The following NEK1 variants were observed in gnomAD, a reference collection of about 807,000 sequenced individuals.
NEK1 encodes the protein NIMA related kinase 1, also known as serine/threonine-protein kinase Nek1.
Under a neutral mutation model 182.1 loss-of-function variants are expected in NEK1, and 137 were observed. The ratio of observed to expected loss-of-function variants is 0.75; its 90% CI spans 0.65 to 0.87. The LOEUF is 0.87. Among genes scored for constraint, NEK1 ranks in the 40% least tolerant of loss-of-function variants. NEK1 has a pLI of 0.00. For synonymous variants in NEK1, 513 were observed against 492.2 expected (o/e 1.04, Z -0.56); for missense variants, 1,391 against 1,494.4 (o/e 0.93, Z 1.14).
intron 23 of NEK1, among the ~76,000 whole-genome samples, chr4:169,494,297 G>A (rs1412932185): frequency 6.6e-6 from 1 of 151,896 alleles, no homozygotes; most frequent in Non-Finnish European, 1.5e-5. Flanking sequence ...CCCTTCCTGT[G>A]TCCATGTGTT....
At chr4:169,419,031 A>G (rs1735011754) in intron 31 of NEK1, among the ~76,000 whole-genome samples, 1 of 152,104 alleles carries the variant, frequency 6.6e-6, no homozygotes, top group Admixed American at 6.6e-5. Context: ...TGAATTACTC[A>G]TGTTTGTGGT....
At chr4:169,586,232 A>G (rs1048907217) in intron 9 of NEK1, among the ~76,000 whole-genome samples, 1 of 152,092 alleles carries the variant, frequency 6.6e-6, no homozygotes, top group Non-Finnish European at 1.5e-5. Flanking sequence ...AAAATATTAC[A>G]GAACAATTGT....
chr4:169,438,763 C>T (rs956258648), intron 27 of NEK1, among the ~76,000 whole-genome samples: 4 of 152,182 alleles, frequency 2.6e-5, no homozygotes, highest in South Asian at 2.1e-4. Context: ...TACAAGCTCC[C>T]CAACACTAAC....
At chr4:169,435,600 A>G (rs1419942439) in intron 28 of NEK1, among the ~76,000 whole-genome samples, 1 of 152,186 alleles carries the variant, frequency 6.6e-6, no homozygotes, top group Non-Finnish European at 1.5e-5. Context: ...AGTGAAAGTG[A>G]TGCTATGCCA....
rs190371732 is a variant in NEK1, at chr4:169,431,350, G to A, written c.2885+2195C>T. On this transcript the variant is annotated intron_variant, in intron 29 of 35. Transcript: ENST00000507142. ...ATAAAAATCACTTGAAATATAAAAT[G>A]AAATAAATGGAAACACATTAGTAGG... 1.3e-3 allele frequency among the ~76,000 whole-genome samples: 199 copies of A among 152,100 alleles called. 2 individuals carry two copies. Among genetic ancestry groups the A allele is most frequent in the Non-Finnish European group, 3.5e-4 (24 of 67,978 alleles).
At chr4:169,458,827 C>CAAAAAA (rs201340623) in intron 27 of NEK1, among the ~76,000 whole-genome samples, 2 of 90,382 alleles carry the variant, frequency 2.2e-5, no homozygotes, top group African/African-American at 6.9e-5. Context: ...GACCCCATCT[C>CAAAAAA]AAAAAAAAAA....
intron 23 of NEK1, among the ~76,000 whole-genome samples, chr4:169,504,234 G>A (rs1213630815): frequency 2.6e-5 from 4 of 152,238 alleles, no homozygotes; most frequent in South Asian, 2.1e-4. Flanking sequence ...AAATGCTGGC[G>A]AGGATGTGGA....
intron 11 of NEK1, among the ~76,000 whole-genome samples, chr4:169,578,250 G>C (rs1398017992): frequency 1.3e-5 from 2 of 152,092 alleles, no homozygotes; most frequent in Non-Finnish European, 2.9e-5. Context: ...AAAGAAGTCA[G>C]AGTAGAGTCT....
At chr4:169,432,146 G>A (rs911743562) in intron 29 of NEK1, among the ~76,000 whole-genome samples, 1 of 152,000 alleles carries the variant, frequency 6.6e-6, no homozygotes, top group African/African-American at 2.4e-5. Context: ...GAAAAGATGT[G>A]CTTACCTTTA....
chr4:169,492,218 C>T (rs908215160), intron 23 of NEK1, among the ~76,000 whole-genome samples: 8 of 152,200 alleles, frequency 5.3e-5, no homozygotes, highest in African/African-American at 1.4e-4. Flanking sequence ...AAGATTCAGA[C>T]GCTGCTTCAA....
chr4:169,579,587 G>C (rs970194979), intron 11 of NEK1, among the ~76,000 whole-genome samples: 3 of 152,110 alleles, frequency 2.0e-5, no homozygotes, highest in African/African-American at 7.2e-5. Flanking sequence ...TCAGGAGATT[G>C]AGACCATCCT....
At chr4:169,494,345 A>G (rs893347053) in intron 23 of NEK1, among the ~76,000 whole-genome samples, 1 of 151,990 alleles carries the variant, frequency 6.6e-6, no homozygotes, top group Admixed American at 6.6e-5. Flanking sequence ...GAGAACATGC[A>G]GTGTTTGGTT....
Position 169,406,701 on chromosome 4 carries a change from G to A in NEK1, c.3269C>T (p.Thr1090Ile). ...SLPDLSKLFR[T>I]LMDVPTVGDV... ...TCCTACGGTGGGAACATCCATAAGG[G>A]TTCTGAACAGCTTTGAGAGATCTGG... Residue 1090 changes from threonine to isoleucine, a missense_variant, in exon 32 of 36, where the codon ACC (threonine) becomes ATC (isoleucine). Physicochemically the swap from Thr to Ile is moderately conservative, Grantham distance 89. Coordinates refer to ENST00000507142, the MANE Select transcript of NEK1 (RefSeq NM_001199397.3). 6.2e-7 allele frequency: 1 copy of A among 1,609,326 alleles called. No individual in the cohort carries two copies. Among genetic ancestry groups the A allele is most frequent in the Non-Finnish European group, 8.5e-7 (1 of 1,177,902 alleles).
At chr4:169,453,747 T>C (rs1742298997) in intron 27 of NEK1, among the ~76,000 whole-genome samples, 1 of 152,226 alleles carries the variant, frequency 6.6e-6, no homozygotes, top group Admixed American at 6.5e-5. Flanking sequence ...TTAATATCTA[T>C]AGAAACAATG....
intron 26 of NEK1, among the ~76,000 whole-genome samples, chr4:169,468,965 TC>T (rs1745435661): frequency 6.6e-6 from 1 of 152,204 alleles, no homozygotes; most frequent in Non-Finnish European, 1.5e-5. Flanking sequence ...AGTGGTGATA[TC>T]CCCTTTATCA....
At chr4:169,406,854 A>C in intron 31 of NEK1, 107 bp from the exon 32 acceptor site, 1 of 782,140 alleles carries the variant, frequency 1.3e-6, no homozygotes, top group Non-Finnish European at 1.9e-6. Context: ...TGTAAAATGT[A>C]ACATATAAAA....
intron 24 of NEK1, chr4:169,478,505 T>C (rs947229546): frequency 2.6e-5 from 4 of 152,086 alleles, no homozygotes; most frequent in Non-Finnish European, 4.4e-5. Flanking sequence ...AAAGAAAAAG[T>C]GACTAAGCCT....
intron 29 of NEK1, among the ~76,000 whole-genome samples, chr4:169,429,087 C>A (rs1244022161): frequency 1.4e-4 from 1 of 7,330 alleles, no homozygotes; most frequent in African/African-American, 1.7e-4. Flanking sequence ...GGATGCAAAC[C>A]CGTGTACACA....
intron 27 of NEK1, among the ~76,000 whole-genome samples, chr4:169,448,120 G>T (rs1224167076): frequency 6.6e-6 from 1 of 151,926 alleles, no homozygotes; most frequent in Non-Finnish European, 1.5e-5. Flanking sequence ...AGTCCCAGCT[G>T]CTTGGGAGGC....
Sources: gnomAD v4.1 joint callset for allele counts (sites outside exome capture counted in the v4.1 genomes callset) on GRCh38, gnomAD v4.1.1 for gene constraint, MANE v1.5 for transcripts, NCBI Gene and HGNC (gene_info 2026-07-23, HGNC 2026-07-21) for gene names.